Variants in GPR143 observed in about 807,000 individuals in gnomAD.
GPR143 encodes G protein-coupled receptor 143, also known as G-protein coupled receptor 143.
Under a neutral mutation model 27.6 loss-of-function variants are expected in GPR143, and 8 were observed. The ratio of observed to expected loss-of-function variants is 0.29; its 90% CI spans 0.17 to 0.52. GPR143 has a LOEUF of 0.52. GPR143 is among the 20% of genes least tolerant of loss of function. The pLI, the probability that GPR143 is intolerant of heterozygous loss-of-function variation, is 0.96. For synonymous variants in GPR143, 156 were observed against 153.2 expected, an observed-to-expected ratio of 1.02 and a Z score of -0.13; for missense variants, 303 against 343.1, an observed-to-expected ratio of 0.88 and a Z score of 0.92.
intron 3 of GPR143, among the ~76,000 whole-genome samples, chrX:9,757,300 G>A (rs931665323): frequency 9.0e-6 from 1 of 111,691 alleles, no homozygotes; most frequent in Non-Finnish European, 1.9e-5. Context: ...TTTTACAAGG[G>A]CACTGATCCC....
intron 8 of GPR143, among the ~76,000 whole-genome samples, chrX:9,737,949 G>A (rs1398084427): frequency 1.8e-5 from 2 of 111,752 alleles, no homozygotes; most frequent in African/African-American, 6.5e-5. Context: ...GCAGTGAGAC[G>A]TGTTCCTTCC....
chrX:9,754,739 T>C (rs1425551892), intron 3 of GPR143, among the ~76,000 whole-genome samples: 2 of 111,898 alleles, frequency 1.8e-5, no homozygotes, highest in African/African-American at 3.2e-5. Flanking sequence ...CAGACAGTTC[T>C]CAGATTGCCC....
chrX:9,772,753 G>A (rs1165919328), intron 1 of GPR143, among the ~76,000 whole-genome samples: 2 of 102,346 alleles, frequency 2.0e-5, no homozygotes, highest in African/African-American at 7.3e-5. Context: ...GGTTGAGGCT[G>A]CAGTGAGCCG....
At chrX:9,747,536 C>G (rs184849991) in intron 4 of GPR143, among the ~76,000 whole-genome samples, 14 of 111,531 alleles carry the variant, frequency 1.3e-4, no homozygotes, top group African/African-American at 4.6e-4. Flanking sequence ...TTTTAAAGTT[C>G]CCCAGAAAAG....
intron 7 of GPR143, among the ~76,000 whole-genome samples, chrX:9,740,333 G>A (rs1360147954): frequency 8.9e-6 from 1 of 112,630 alleles, no homozygotes; most frequent in Non-Finnish European, 1.9e-5. Flanking sequence ...TGGAAGGACC[G>A]GTGCTGGCTC....
At chrX:9,725,912 T>A (rs1222877537) in intron 8 of GPR143, 72 bp from the exon 9 acceptor site, 33 of 1,076,025 alleles carry the variant, frequency 3.1e-5, no homozygotes, top group Non-Finnish European at 3.9e-5. Flanking sequence ...CAGAAAATGC[T>A]CAGTATTCAG....
At chrX:9,764,549 G>A (rs1281005449) in intron 1 of GPR143, among the ~76,000 whole-genome samples, 1 of 108,313 alleles carries the variant, frequency 9.2e-6, no homozygotes, top group Non-Finnish European at 1.9e-5. Context: ...CACACAGAGC[G>A]AGACAGAGAG....
chrX:9,734,037 G>A lies in GPR143; in HGVS notation c.1120+5448C>T, dbSNP rs12010093. Reference sequence around the variant, plus strand: ...AGAGGTTGTGGTGAGCTTAGATCGCGCCATTGCACTCCAGTCTGGGCAACA... The same window carrying A: ...AGAGGTTGTGGTGAGCTTAGATCGCACCATTGCACTCCAGTCTGGGCAACA... On this transcript the variant is annotated intron_variant, in intron 8 of 8. Coordinates refer to ENST00000467482, the MANE Select transcript of GPR143 (RefSeq NM_000273.3). 6.2e-3 allele frequency among the ~76,000 whole-genome samples: 611 copies of A among 98,942 alleles called. 9 individuals carry two copies. Among genetic ancestry groups the A allele is most frequent in the African/African-American group, 0.022 (578 of 25,916 alleles). The allele number at this position is 98,942 out of a possible 115,157, so 85.9% of individuals were successfully genotyped here. A position where few individuals can be genotyped will look rare whatever the true frequency, so the allele number is the denominator to read the frequency against.
chrX:9,730,201 T>C (rs1569114583), intron 8 of GPR143, among the ~76,000 whole-genome samples: 1 of 93,258 alleles, frequency 1.1e-5, no homozygotes, highest in Non-Finnish European at 2.0e-5. Context: ...TCGTTAAGTG[T>C]TGCATGACTG....
intron 3 of GPR143, among the ~76,000 whole-genome samples, chrX:9,759,115 C>G (rs1039983448): frequency 2.7e-5 from 3 of 111,528 alleles, no homozygotes; most frequent in Non-Finnish European, 3.8e-5. Context: ...GCTGGGATTA[C>G]AGGCACAAGC....
chrX:9,737,420 G>A (rs762389637), intron 8 of GPR143, among the ~76,000 whole-genome samples: 1 of 112,168 alleles, frequency 8.9e-6, no homozygotes, highest in Non-Finnish European at 1.9e-5. Context: ...TACAACATGG[G>A]CGAATCTAGA....
chrX:9,760,501 G>A (rs2083492326), intron 2 of GPR143, among the ~76,000 whole-genome samples: 1 of 111,760 alleles, frequency 8.9e-6, no homozygotes, highest in South Asian at 3.7e-4. Flanking sequence ...TGTAAGCGGA[G>A]GATGCATTTG....
At chrX:9,752,633 A>G (rs1186839554) in intron 3 of GPR143, among the ~76,000 whole-genome samples, 2 of 111,542 alleles carry the variant, frequency 1.8e-5, no homozygotes, top group Admixed American at 1.9e-4. Flanking sequence ...TTTGAGAAGG[A>G]CGTAACCCAC....
intron 4 of GPR143, chrX:9,748,209 A>G (rs41305347): frequency 0.052 from 13,726 of 265,735 alleles, 304 homozygotes; most frequent in Middle Eastern, 0.099. Flanking sequence ...CTGCTCATCC[A>G]GAGGAAGCTT....
chrX:9,759,468 G>T, intron 2 of GPR143, 42 bp from the exon 3 acceptor site: 1 of 937,041 alleles, frequency 1.1e-6, no homozygotes, highest in South Asian at 2.1e-5. Flanking sequence ...CTGGAAACAG[G>T]TACAAGAAGC....
intron 1 of GPR143, 100 bp from the exon 2 acceptor site, chrX:9,760,926 G>A: frequency 2.1e-6 from 1 of 483,318 alleles, no homozygotes; most frequent in Non-Finnish European, 3.8e-6. Context: ...GATAGAGATA[G>A]GAAGAGAGGA....
rs914094364 is a variant in GPR143, at chrX:9,765,637, C to T, written c.181G>A (p.Ala61Thr). ...GRRPAGPGSP[A>T]TSPPASVRIL... ...CGGACCGAGGCCGGCGGGGACGTCGCGGGGGACCCGGGGCCCGCGGGCCGG... is the reference window on the plus strand; with the variant it reads ...CGGACCGAGGCCGGCGGGGACGTCGTGGGGGACCCGGGGCCCGCGGGCCGG... The change falls in exon 1 of 9, where the codon GCG becomes ACG. Residue 61 changes from alanine to threonine, a missense_variant. Physicochemically the swap from Ala to Thr is moderately conservative, Grantham distance 58 (BLOSUM62 0). Coordinates refer to ENST00000467482, the MANE Select transcript of GPR143 (RefSeq NM_000273.3). 33 of 979,633 alleles carry T rather than the reference C, an allele frequency of 3.4e-5. No individual in the cohort carries two copies. Among genetic ancestry groups the T allele is most frequent in the Admixed American group, 1.1e-4 (2 of 17,526 alleles). The allele number at this position is 979,633 out of a possible 1,213,427, so 80.7% of individuals were successfully genotyped here.
chrX:9,748,269 G>A (rs770730853), intron 4 of GPR143, among the ~76,000 whole-genome samples: 8 of 112,824 alleles, frequency 7.1e-5, no homozygotes, highest in Non-Finnish European at 1.5e-4. Flanking sequence ...CCAATACAGG[G>A]GCTGGGAATA....
chrX:9,732,715 T>C, intron 8 of GPR143, among the ~76,000 whole-genome samples: 1 of 108,893 alleles, frequency 9.2e-6, no homozygotes, highest in East Asian at 2.9e-4. Flanking sequence ...ATACAAAAAT[T>C]AGCCAGGCAT....
Sources: allele counts gnomAD v4.1 joint callset (sites outside exome capture counted in the v4.1 genomes callset), GRCh38; gene constraint gnomAD v4.1.1; transcripts MANE v1.5; gene names NCBI Gene and HGNC (gene_info 2026-07-23, HGNC 2026-07-21).